The following EEPD1 variants were observed in gnomAD, a reference collection of about 807,000 sequenced individuals.
EEPD1 encodes the protein endonuclease/exonuclease/phosphatase family domain-containing protein 1.
In EEPD1, 17 loss-of-function variants were observed where a neutral mutation model predicts 46.3. The observed-to-expected ratio is 0.37, with a 90% CI of 0.25 to 0.55. The LOEUF (loss-of-function observed/expected upper bound fraction) is 0.55, where lower values mean the gene tolerates loss of function less well. Ranked by LOEUF, EEPD1 falls within the 20% of genes least tolerant of loss-of-function variation. The pLI is 0.83. For synonymous variants in EEPD1, 313 were observed against 315.6 expected, an observed-to-expected ratio of 0.99 and a Z score of 0.09; for missense variants, 673 against 745.6, an observed-to-expected ratio of 0.90 and a Z score of 1.13.
chr7:36,174,260 G>A (rs1785139935), intron 2 of EEPD1, among the ~76,000 whole-genome samples: 1 of 152,194 alleles, frequency 6.6e-6, no homozygotes, highest in Non-Finnish European at 1.5e-5. Context: ...CTTAAATCAA[G>A]CATTGTTGAT....
intron 3 of EEPD1, among the ~76,000 whole-genome samples, chr7:36,241,540 G>A (rs972672884): frequency 3.9e-5 from 6 of 152,080 alleles, no homozygotes; most frequent in Non-Finnish European, 8.8e-5. Context: ...TAGTGCTGGG[G>A]TGTATCAGTA....
At chr7:36,172,490 A>G (rs1315119149) in intron 2 of EEPD1, among the ~76,000 whole-genome samples, 1 of 152,204 alleles carries the variant, frequency 6.6e-6, no homozygotes, top group African/African-American at 2.4e-5. Context: ...GCATCCCTTC[A>G]TCTGTATCCT....
Position 36,153,608 on chromosome 7 carries a change from C to G in EEPD1, c.-259C>G, listed in dbSNP as rs977583249. On this transcript the variant is annotated 5_prime_UTR_variant, in exon 1 of 8. Transcript: ENST00000242108. ...TGGAGGCAGGGGGCCCGTGCTGTCC[C>G]GGGCTGGGCTCAGGCTTCCGAGCCG... The G allele has an allele frequency of 6.6e-6, 1 of 152,502 alleles. No individual in the cohort carries two copies. The highest frequency in any genetic ancestry group is 1.5e-5 in the Non-Finnish European group (1 of 68,306). 9.4% of individuals were successfully genotyped at this position (152,502 alleles called of 1,614,324 possible).
At chr7:36,223,311 C>A (rs1328593609) in intron 2 of EEPD1, among the ~76,000 whole-genome samples, 3 of 152,102 alleles carry the variant, frequency 2.0e-5, no homozygotes, top group African/African-American at 7.2e-5. Context: ...TTTTTGTGCG[C>A]ATCTCTTCCC....
rs1321048792 is a variant in EEPD1 at position 36,263,899 on chromosome 7, C to T, written c.931-17216C>T. Among the ~76,000 whole-genome samples the T allele has an allele frequency of 3.3e-5, 5 of 152,110 alleles. No individual in the cohort carries two copies. In the East Asian group the frequency reaches 9.6e-4, roughly 29 times the overall value. ...CACTTGCTTTGCAAGGATACATTTGCGAGTAAGAGGGGAGGAAGTAACAAG... is the reference window on the plus strand; with the variant it reads ...CACTTGCTTTGCAAGGATACATTTGTGAGTAAGAGGGGAGGAAGTAACAAG... On this transcript the variant is annotated intron_variant, in intron 3 of 7. Transcript: ENST00000242108.
intron 2 of EEPD1, among the ~76,000 whole-genome samples, chr7:36,171,681 T>C (rs779314328): frequency 6.6e-6 from 1 of 152,376 alleles, no homozygotes; most frequent in South Asian, 2.1e-4. Flanking sequence ...GTGTTAATTG[T>C]GTCTTTGCTT....
At chr7:36,219,806 A>AGAGT (rs1341203087) in intron 2 of EEPD1, among the ~76,000 whole-genome samples, 49 of 75,438 alleles carry the variant, frequency 6.5e-4, no homozygotes, top group African/African-American at 1.8e-3. Context: ...AGAGAGAGAG[A>AGAGT]GTGTGTGTGT....
At chr7:36,285,486 G>A (rs1253689267) in intron 5 of EEPD1, among the ~76,000 whole-genome samples, 1 of 152,198 alleles carries the variant, frequency 6.6e-6, no homozygotes, top group African/African-American at 2.4e-5. Flanking sequence ...CAGCTCAGCA[G>A]ATTGATCGAG....
chr7:36,154,816 C>A lies in EEPD1; in HGVS notation c.492C>A (p.Phe164Leu). 6.2e-7 allele frequency: 1 copy of A among 1,614,226 alleles called. No homozygotes were observed. Among genetic ancestry groups the A allele is most frequent in the Non-Finnish European group, 8.5e-7 (1 of 1,180,044 alleles). Residue 164 changes from phenylalanine (F) to leucine (L), a missense_variant, in exon 2 of 8, where the codon TTC becomes TTA. Transcript: ENST00000242108. The surrounding 1 kb of genome is among the most constrained non-coding windows in gnomAD (Gnocchi z 4.2). ...SEKMALSIVD[F>L]RREHGPFRSV... ...AAATGGCCCTCAGCATCGTGGACTTCCGCCGTGAGCATGGGCCCTTTCGCA... is the reference window on the plus strand; with the variant it reads ...AAATGGCCCTCAGCATCGTGGACTTACGCCGTGAGCATGGGCCCTTTCGCA...
intron 3 of EEPD1, among the ~76,000 whole-genome samples, chr7:36,240,729 C>A (rs1786542627): frequency 6.6e-6 from 1 of 152,134 alleles, no homozygotes; most frequent in South Asian, 2.1e-4. Context: ...TGGCCTTGTT[C>A]TTAGGCAGCA....
chr7:36,156,132 G>A (rs982839773), intron 2 of EEPD1, among the ~76,000 whole-genome samples: 10 of 152,188 alleles, frequency 6.6e-5, no homozygotes, highest in Non-Finnish European at 1.5e-4. Context: ...CAGTGTTTGT[G>A]GCTACTCGTT....
At chr7:36,171,105 TAG>T (rs1785073428) in intron 2 of EEPD1, among the ~76,000 whole-genome samples, 1 of 152,108 alleles carries the variant, frequency 6.6e-6, no homozygotes, top group African/African-American at 2.4e-5. Flanking sequence ...TTTTTTTATG[TAG>T]AGAGGGAGCC....
intron 2 of EEPD1, among the ~76,000 whole-genome samples, chr7:36,238,262 AC>A (rs1247080567): frequency 2.0e-5 from 3 of 152,026 alleles, no homozygotes; most frequent in African/African-American, 7.2e-5. Flanking sequence ...TCTTTACCAC[AC>A]CCTCTTTTAT....
intron 3 of EEPD1, among the ~76,000 whole-genome samples, chr7:36,251,654 C>T (rs980113903): frequency 6.6e-6 from 1 of 152,130 alleles, no homozygotes; most frequent in Non-Finnish European, 1.5e-5. Flanking sequence ...TCCTACACAG[C>T]CAACCTTCAT....
chr7:36,163,532 T>G (rs1784933106), intron 2 of EEPD1, among the ~76,000 whole-genome samples: 1 of 152,170 alleles, frequency 6.6e-6, no homozygotes, highest in South Asian at 2.1e-4. Context: ...GGGTGGAACT[T>G]GGTTTATAAT....
intron 2 of EEPD1, among the ~76,000 whole-genome samples, chr7:36,175,876 G>A (rs1440099021): frequency 6.6e-6 from 1 of 152,220 alleles, no homozygotes; most frequent in Non-Finnish European, 1.5e-5. Flanking sequence ...AGACCCTGCA[G>A]CCTTGGCTGA....
intron 6 of EEPD1, among the ~76,000 whole-genome samples, chr7:36,288,601 G>A (rs1216544127): frequency 1.3e-5 from 2 of 151,834 alleles, no homozygotes; most frequent in Non-Finnish European, 2.9e-5. Context: ...TCTCTACAAA[G>A]AACGAAAAAA....
chr7:36,257,801 C>T (rs756812015), intron 3 of EEPD1, among the ~76,000 whole-genome samples: 15 of 152,246 alleles, frequency 9.9e-5, no homozygotes, highest in African/African-American at 3.4e-4. Flanking sequence ...TTTGTTATTA[C>T]CCACCTTCTG....
At chr7:36,223,157 TAAATA>T (rs1483253471) in intron 2 of EEPD1, among the ~76,000 whole-genome samples, 2 of 151,100 alleles carry the variant, frequency 1.3e-5, no homozygotes, top group Admixed American at 6.6e-5. Flanking sequence ...TCTCAAAAAA[TAAATA>T]AATAAATAAA....
Sources: gnomAD v4.1 joint callset for allele counts (sites outside exome capture counted in the v4.1 genomes callset) on GRCh38, gnomAD v4.1.1 for gene constraint, Gnocchi (gnomAD v3.1) non-coding constraint, MANE v1.5 for transcripts, NCBI Gene and HGNC (gene_info 2026-07-23, HGNC 2026-07-21) for gene names.